The following TMC1 variants were observed in gnomAD, a reference collection of about 807,000 sequenced individuals.
The protein encoded by TMC1 is transmembrane channel-like protein 1.
TMC1 carries 84 observed loss-of-function variants against 105.8 expected under a neutral mutation model. The observed-to-expected ratio is 0.79, with a 90% CI of 0.67 to 0.95. The LOEUF (loss-of-function observed/expected upper bound fraction) is 0.95. Ranked by LOEUF, TMC1 falls within the 40% of genes least tolerant of loss-of-function variation. The pLI is 0.00. For synonymous variants in TMC1, 315 were observed against 311.5 expected (o/e 1.01, Z -0.12); for missense variants, 817 against 914.1 (o/e 0.89, Z 1.37).
intron 18 of TMC1, among the ~76,000 whole-genome samples, chr9:72,810,174 T>C (rs1238522332): frequency 1.3e-5 from 2 of 151,586 alleles, no homozygotes; most frequent in African/African-American, 2.4e-5. Context: ...GAGGCTGTTT[T>C]AGAGCAGAAA....
chr9:72,632,955 A>G (rs982603575), intron 4 of TMC1, among the ~76,000 whole-genome samples: 6 of 152,124 alleles, frequency 3.9e-5, no homozygotes, highest in Middle Eastern at 3.2e-3. Flanking sequence ...GGTAAAGGCA[A>G]CAGAAAGATA....
intron 8 of TMC1, among the ~76,000 whole-genome samples, chr9:72,730,595 C>A (rs1209029955): frequency 6.6e-6 from 1 of 152,144 alleles, no homozygotes; most frequent in African/African-American, 2.4e-5. Context: ...ATACCAGGGA[C>A]CAGTGTCATG....
intron 12 of TMC1, among the ~76,000 whole-genome samples, chr9:72,763,904 G>T (rs1827792683): frequency 6.6e-6 from 1 of 152,120 alleles, no homozygotes; most frequent in African/African-American, 2.4e-5. Context: ...TGGCTGTGAG[G>T]AGATCAAGGA....
intron 2 of TMC1, among the ~76,000 whole-genome samples, chr9:72,614,149 A>G (rs537317282): frequency 6.6e-6 from 1 of 152,316 alleles, no homozygotes; most frequent in African/African-American, 2.4e-5. Flanking sequence ...TTCAATGACC[A>G]GAGACCATGA....
At chr9:72,530,735 T>A (rs1160613978) in intron 1 of TMC1, among the ~76,000 whole-genome samples, 1 of 152,072 alleles carries the variant, frequency 6.6e-6, no homozygotes, top group Non-Finnish European at 1.5e-5. Flanking sequence ...CTATGTCTAG[T>A]ATTATAATTT....
chr9:72,590,433 C>T (rs909074414), intron 2 of TMC1, among the ~76,000 whole-genome samples: 4 of 152,180 alleles, frequency 2.6e-5, no homozygotes, highest in South Asian at 4.1e-4. Context: ...TCTCTCCAAG[C>T]TTCATGGTTA....
chr9:72,749,927 T>C (rs1028152035), intron 10 of TMC1, among the ~76,000 whole-genome samples: 1 of 152,048 alleles, frequency 6.6e-6, no homozygotes, highest in East Asian at 1.9e-4. Context: ...GCCAACATGG[T>C]GAAACCCTGT....
intron 1 of TMC1, among the ~76,000 whole-genome samples, chr9:72,560,691 G>T (rs1351766342): frequency 6.6e-6 from 1 of 151,782 alleles, no homozygotes; most frequent in Non-Finnish European, 1.5e-5. Flanking sequence ...GTAGAGACGG[G>T]GTTTTACCGT....
At chr9:72,617,686 G>A (rs2132124603) in intron 3 of TMC1, among the ~76,000 whole-genome samples, 1 of 152,210 alleles carries the variant, frequency 6.6e-6, no homozygotes, top group South Asian at 2.1e-4. Flanking sequence ...GTTATTTACT[G>A]CAGCATGATT....
chr9:72,737,834 A>C (rs552024220), intron 8 of TMC1, among the ~76,000 whole-genome samples: 1 of 152,336 alleles, frequency 6.6e-6, no homozygotes, highest in African/African-American at 2.4e-5. Flanking sequence ...ATATTTTAGA[A>C]TGTGCAAAAG....
rs1409809762 is a variant in TMC1, at chr9:72,625,325, G to A, written c.-195-2596G>A. 3.9e-5 allele frequency among the ~76,000 whole-genome samples: 6 copies of A among 152,194 alleles called. No homozygotes were observed. In the South Asian group the frequency reaches 6.2e-4, roughly 16 times the overall value. Reference sequence around the variant, plus strand: ...CCAGGGGGAACCATAGGTTATCTCAGTAAGAGGGTTTTAGAAAGAACCTAT... The same window carrying A: ...CCAGGGGGAACCATAGGTTATCTCAATAAGAGGGTTTTAGAAAGAACCTAT... On this transcript the variant is annotated intron_variant, in intron 3 of 23. Coordinates refer to ENST00000297784, the MANE Select transcript of TMC1 (RefSeq NM_138691.3).
chr9:72,545,898 A>G (rs979224918), intron 1 of TMC1, among the ~76,000 whole-genome samples: 15 of 152,204 alleles, frequency 9.9e-5, no homozygotes, highest in African/African-American at 3.4e-4. Flanking sequence ...TTTCAGATCA[A>G]TTATAGTGGC....
chr9:72,763,231 A>T (rs1827784051), intron 12 of TMC1, among the ~76,000 whole-genome samples: 1 of 152,122 alleles, frequency 6.6e-6, no homozygotes, highest in South Asian at 2.1e-4. Flanking sequence ...TTACAATATG[A>T]AAACAGCATT....
At chr9:72,699,553 T>G (rs1826607237) in intron 7 of TMC1, among the ~76,000 whole-genome samples, 1 of 152,110 alleles carries the variant, frequency 6.6e-6, no homozygotes, top group South Asian at 2.1e-4. Flanking sequence ...AATGTAGAAT[T>G]GAGGGAAGGT....
chr9:72,684,299 C>T (rs1487682285), intron 5 of TMC1, among the ~76,000 whole-genome samples: 1 of 152,138 alleles, frequency 6.6e-6, no homozygotes, highest in African/African-American at 2.4e-5. Context: ...CACACAACTG[C>T]ACTAAACATA....
At chr9:72,549,062 T>TTATAAGA (rs1341323048) in intron 1 of TMC1, among the ~76,000 whole-genome samples, 3 of 152,166 alleles carry the variant, frequency 2.0e-5, no homozygotes, top group African/African-American at 7.2e-5. Context: ...TTAGAATACT[T>TTATAAGA]TATAAGAAAC....
chr9:72,568,995 A>G (rs2132087499), intron 1 of TMC1, among the ~76,000 whole-genome samples: 1 of 152,318 alleles, frequency 6.6e-6, no homozygotes, highest in South Asian at 2.1e-4. Context: ...CTTGGTGAAA[A>G]TGGAAGGAAT....
In TMC1 at chr9:72,785,552, T is replaced by G. The variant is rs1419539253; in HGVS notation, c.885-2787T>G. On this transcript the variant is annotated intron_variant, in intron 13 of 23. Transcript: ENST00000297784. The stretch of plus-strand genomic sequence containing the variant: ...TCTGAATTGCCAGCATCACTGCTCT[T>G]GCACTTTGAGAGTATTACATGAAAT... Among the ~76,000 whole-genome samples the G allele has an allele frequency of 2.0e-5, 3 of 152,226 alleles. No individual in the cohort carries two copies. The East Asian group carries it at 5.8e-4, about 29-fold the overall frequency.
intron 17 of TMC1, among the ~76,000 whole-genome samples, chr9:72,793,161 T>G (rs1370750477): frequency 6.6e-6 from 1 of 152,122 alleles, no homozygotes; most frequent in Non-Finnish European, 1.5e-5. Flanking sequence ...GAGCCTTAGA[T>G]ACCTGGGCTT....
Sources: allele counts gnomAD v4.1 joint callset (sites outside exome capture counted in the v4.1 genomes callset), GRCh38; gene constraint gnomAD v4.1.1; transcripts MANE v1.5; gene names NCBI Gene and HGNC (gene_info 2026-07-23, HGNC 2026-07-21).